SLC25A13: variants seen among roughly 807,000 people sequenced by gnomAD.
The protein encoded by SLC25A13 is electrogenic aspartate/glutamate antiporter SLC25A13, mitochondrial.
In SLC25A13, 70 loss-of-function variants were observed where a neutral mutation model predicts 85.5. That is an observed-to-expected ratio of 0.82 (90% CI 0.68 to 1.00). SLC25A13 has a LOEUF of 1.00. Among genes scored for constraint, SLC25A13 ranks in the 50% least tolerant of loss-of-function variants. The pLI is 0.00. For synonymous variants in SLC25A13, 259 were observed against 288.7 expected (o/e 0.90, Z 1.04); for missense variants, 765 against 819.8 (o/e 0.93, Z 0.82).
chr7:96,219,539 G>A (rs1197397960), intron 4 of SLC25A13: 6 of 360,714 alleles, frequency 1.7e-5, no homozygotes, highest in Non-Finnish European at 5.7e-6. Flanking sequence ...CTCTGGGCCT[G>A]TTTCCTCATC....
intron 3 of SLC25A13, among the ~76,000 whole-genome samples, chr7:96,248,935 A>G (rs1797309175): frequency 6.6e-6 from 1 of 152,260 alleles, no homozygotes; most frequent in Non-Finnish European, 1.5e-5. Context: ...AATTAAAACT[A>G]AATTGTATAA....
intron 4 of SLC25A13, among the ~76,000 whole-genome samples, chr7:96,218,154 TAC>T (rs1437033271): frequency 6.6e-6 from 1 of 152,182 alleles, no homozygotes; most frequent in Non-Finnish European, 1.5e-5. Context: ...ACCAAATATT[TAC>T]AAATACTATT....
intron 15 of SLC25A13, among the ~76,000 whole-genome samples, chr7:96,128,942 C>A (rs1454925668): frequency 1.0e-5 from 1 of 97,332 alleles, no homozygotes; most frequent in African/African-American, 4.9e-5. Flanking sequence ...CTTGCTTGCT[C>A]TCTCTCTCTC....
intron 4 of SLC25A13, among the ~76,000 whole-genome samples, chr7:96,216,908 TA>T (rs1180765635): frequency 6.6e-6 from 1 of 150,526 alleles, no homozygotes; most frequent in African/African-American, 2.4e-5. Flanking sequence ...TAAAAAAGTT[TA>T]AAAAAAAGAG....
intron 6 of SLC25A13, among the ~76,000 whole-genome samples, chr7:96,192,684 ATTTTT>A (rs5885944): frequency 3.5e-5 from 5 of 143,462 alleles, no homozygotes; most frequent in Admixed American, 1.4e-4. Context: ...CATGTGCACT[ATTTTT>A]TTTTTTTTTT....
intron 2 of SLC25A13, among the ~76,000 whole-genome samples, chr7:96,281,277 G>A (rs2116951172): frequency 6.6e-6 from 1 of 151,642 alleles, no homozygotes; most frequent in Non-Finnish European, 1.5e-5. Context: ...TGTAATCCCA[G>A]CTACTCAAGA....
chr7:96,215,009 A>G (rs1795835406), intron 4 of SLC25A13, among the ~76,000 whole-genome samples: 1 of 152,196 alleles, frequency 6.6e-6, no homozygotes, highest in African/African-American at 2.4e-5. Flanking sequence ...TGTAATCCCT[A>G]TCAAAATCCT....
chr7:96,321,473 G>A (rs977650371), intron 1 of SLC25A13, among the ~76,000 whole-genome samples: 5 of 152,240 alleles, frequency 3.3e-5, no homozygotes, highest in Admixed American at 2.6e-4. Context: ...CCACCCGCGG[G>A]AGGGCGGAGC....
chr7:96,177,513 A>G (rs1360613547), intron 11 of SLC25A13, among the ~76,000 whole-genome samples: 1 of 152,226 alleles, frequency 6.6e-6, no homozygotes, highest in Admixed American at 6.5e-5. Context: ...GCTATTTGTT[A>G]GCTGTGTAAT....
At chr7:96,189,164 A>T in intron 9 of SLC25A13, 130 bp downstream of exon 9, 1 of 784,880 alleles carries the variant, frequency 1.3e-6, no homozygotes. Flanking sequence ...AAATTTATCG[A>T]GAGTTTTGGT....
chr7:96,131,369 AT>A (rs1266997654), intron 15 of SLC25A13, among the ~76,000 whole-genome samples: 2 of 151,866 alleles, frequency 1.3e-5, no homozygotes, highest in Admixed American at 6.6e-5. Context: ...TTTATGCACT[AT>A]TTTTTTTAGA....
chr7:96,228,330 C>T (rs1195149331), intron 4 of SLC25A13, among the ~76,000 whole-genome samples: 2 of 152,132 alleles, frequency 1.3e-5, no homozygotes, highest in Non-Finnish European at 2.9e-5. Flanking sequence ...GGTCTTGTAT[C>T]CAGAAAATAC....
intron 2 of SLC25A13, among the ~76,000 whole-genome samples, chr7:96,281,688 A>G (rs146314481): frequency 2.6e-5 from 4 of 152,308 alleles, no homozygotes; most frequent in Non-Finnish European, 5.9e-5. Flanking sequence ...TGATGTATGC[A>G]TTCAATTTAT....
chr7:96,278,179 A>G (rs775426800), intron 2 of SLC25A13, among the ~76,000 whole-genome samples: 9 of 152,170 alleles, frequency 5.9e-5, no homozygotes, highest in Non-Finnish European at 1.0e-4. Context: ...ACGACATGGG[A>G]TCATGTGGTG....
At chr7:96,220,394 T>C (rs1385054905) in intron 4 of SLC25A13, among the ~76,000 whole-genome samples, 1 of 152,210 alleles carries the variant, frequency 6.6e-6, no homozygotes, top group African/African-American at 2.4e-5. Context: ...TCAATTAAAA[T>C]GTCTAAGTAT....
chr7:96,164,688 A>G (rs1008590232), intron 13 of SLC25A13, among the ~76,000 whole-genome samples: 29 of 141,928 alleles, frequency 2.0e-4, no homozygotes, highest in Non-Finnish European at 4.2e-4. Flanking sequence ...ACAAATGGCT[A>G]TGATTTTCAA....
intron 14 of SLC25A13, among the ~76,000 whole-genome samples, chr7:96,133,255 T>C (rs1399258876): frequency 1.3e-5 from 2 of 152,348 alleles, no homozygotes; most frequent in African/African-American, 4.8e-5. Context: ...ATCTACCTCA[T>C]GTACTGCCAA....
chr7:96,225,631 G>C (rs563203755), intron 4 of SLC25A13, among the ~76,000 whole-genome samples: 9 of 151,682 alleles, frequency 5.9e-5, no homozygotes, highest in African/African-American at 1.9e-4. Context: ...GTTATTCCCA[G>C]CCTCCACTGT....
intron 3 of SLC25A13, among the ~76,000 whole-genome samples, chr7:96,275,858 C>T (rs1798429559): frequency 6.6e-6 from 1 of 152,092 alleles, no homozygotes; most frequent in African/African-American, 2.4e-5. Context: ...GCACATTGTG[C>T]ACATGTACCC....
Sources: allele counts gnomAD v4.1 joint callset (sites outside exome capture counted in the v4.1 genomes callset), GRCh38; gene constraint gnomAD v4.1.1; transcripts MANE v1.5; gene names NCBI Gene and HGNC (gene_info 2026-07-23, HGNC 2026-07-21).